The following MFSD1 variants were observed in gnomAD, a reference collection of about 807,000 sequenced individuals.
The protein encoded by MFSD1 is major facilitator superfamily domain containing 1, also known as lysosomal dipeptide transporter MFSD1.
A neutral mutation model predicts 67.1 loss-of-function variants in MFSD1; 59 were observed. That is an observed-to-expected ratio of 0.88 (90% CI 0.71 to 1.09). The LOEUF is 1.09. Ranked by LOEUF, MFSD1 falls within the 50% of genes least tolerant of loss-of-function variation. MFSD1 has a pLI of 0.00. For missense variants in MFSD1, 552 were observed against 566.1 expected (o/e 0.97, Z 0.25); for synonymous variants, 213 against 200.3 (o/e 1.06, Z -0.54).
chr3:158,814,208 A>T (rs1330320584), intron 7 of MFSD1, 141 bp downstream of exon 7: 1 of 566,124 alleles, frequency 1.8e-6, no homozygotes, highest in Non-Finnish European at 3.1e-6. Flanking sequence ...ACTCTTTGAC[A>T]CAACTAGAAA....
intron 6 of MFSD1, among the ~76,000 whole-genome samples, chr3:158,810,635 G>A (rs1729956035): frequency 6.6e-6 from 1 of 152,066 alleles, no homozygotes; most frequent in African/African-American, 2.4e-5. Context: ...ATTAAGTCAG[G>A]GTATTTGTTA....
intron 7 of MFSD1, among the ~76,000 whole-genome samples, chr3:158,817,452 A>G (rs1191383796): frequency 6.6e-6 from 1 of 152,242 alleles, no homozygotes; most frequent in Non-Finnish European, 1.5e-5. Flanking sequence ...TTATACACCA[A>G]TAACAGACAA....
chr3:158,816,007 T>C (rs1479147406), intron 7 of MFSD1, among the ~76,000 whole-genome samples: 1 of 152,182 alleles, frequency 6.6e-6, no homozygotes, highest in African/African-American at 2.4e-5. Flanking sequence ...GGCTGCATCG[T>C]ATTCCATGGT....
intron 7 of MFSD1, among the ~76,000 whole-genome samples, chr3:158,816,200 C>G (rs1161123848): frequency 6.6e-5 from 10 of 152,122 alleles, no homozygotes; most frequent in Non-Finnish European, 1.2e-4. Context: ...AATGGTATTT[C>G]TAGTTCTAGA....
At chr3:158,815,741 G>A (rs1730295259) in intron 7 of MFSD1, among the ~76,000 whole-genome samples, 1 of 151,058 alleles carries the variant, frequency 6.6e-6, no homozygotes, top group African/African-American at 2.4e-5. Flanking sequence ...CCATGCTGGT[G>A]TGCTGCACCC....
intron 6 of MFSD1, among the ~76,000 whole-genome samples, chr3:158,812,485 G>A (rs1019515514): frequency 1.3e-5 from 2 of 152,044 alleles, no homozygotes; most frequent in African/African-American, 2.4e-5. Context: ...TCCCTAAACT[G>A]CCTCTAAGAA....
chr3:158,824,310 G>T, intron 13 of MFSD1, 74 bp downstream of exon 13: 2 of 1,078,352 alleles, frequency 1.9e-6, no homozygotes, highest in Non-Finnish European at 2.8e-6. Context: ...CTTAGGCATA[G>T]CTCCCAGATT....
In MFSD1 at chr3:158,829,480, T is replaced by C. The variant is rs1731200285; in HGVS notation, c.*498T>C. On this transcript the variant is annotated 3_prime_UTR_variant, in exon 16 of 16. Transcript: ENST00000415822. Reference sequence around the variant, plus strand: ...AATATGTGAAGATGTTTTTATGAAGTCTCTTTCTGATCACGAACAATAGCT... The same window carrying C: ...AATATGTGAAGATGTTTTTATGAAGCCTCTTTCTGATCACGAACAATAGCT... 6.6e-6 allele frequency: 1 copy of C among 152,326 alleles called. No homozygotes were observed. Among genetic ancestry groups the C allele is most frequent in the African/African-American group, 2.4e-5 (1 of 41,472 alleles). 9.4% of individuals were successfully genotyped at this position (152,326 alleles called of 1,614,324 possible).
chr3:158,816,890 C>T (rs1432173434), intron 7 of MFSD1, among the ~76,000 whole-genome samples: 3 of 149,896 alleles, frequency 2.0e-5, no homozygotes, highest in Admixed American at 1.3e-4. Context: ...TTTCCCAGCA[C>T]CATTTATTAA....
intron 13 of MFSD1, among the ~76,000 whole-genome samples, chr3:158,824,870 C>T (rs1730881189): frequency 6.6e-6 from 1 of 152,096 alleles, no homozygotes; most frequent in Non-Finnish European, 1.5e-5. Context: ...AAAGACCATC[C>T]ATACCTGAAG....
At chr3:158,811,507 A>AAAGAGATG (rs1388432999) in intron 6 of MFSD1, among the ~76,000 whole-genome samples, 3 of 152,206 alleles carry the variant, frequency 2.0e-5, no homozygotes, top group Non-Finnish European at 4.4e-5. Flanking sequence ...TGTTGAAAGA[A>AAAGAGATG]AAGAGATGAT....
intron 1 of MFSD1, among the ~76,000 whole-genome samples, chr3:158,803,292 A>G (rs1170503751): frequency 1.3e-5 from 2 of 152,164 alleles, no homozygotes; most frequent in Admixed American, 6.5e-5. Context: ...TAACTATTCT[A>G]GCGCTGAACA....
chr3:158,804,228 A>G (rs1227685874), intron 1 of MFSD1, 91 bp from the exon 2 acceptor site: 1 of 825,772 alleles, frequency 1.2e-6, no homozygotes, highest in Non-Finnish European at 1.9e-6. Context: ...CCGTAGTATC[A>G]GCATTTAAAA....
Position 158,826,036 on chromosome 3 carries a change from T to C in MFSD1, c.1310T>C (p.Leu437Ser), listed in dbSNP as rs534236276. The C allele has an allele frequency of 1.2e-6, 2 of 1,613,638 alleles. No individual in the cohort carries two copies. The highest frequency in any genetic ancestry group is 2.2e-5 in the East Asian group (1 of 44,870). ...CTAGTGTCACTTTTATCTGTGGTCT[T>C]ACTCTATTTGGTGAATCGTGCCCAG... Reference protein sequence around the residue: ...CVSLSLLSVVLLYLVNRAQGG... With the variant: ...CVSLSLLSVVSLYLVNRAQGG... The change falls in exon 14 of 16, where the codon TTA becomes TCA. Residue 437 changes from leucine (L) to serine (S), a missense_variant. By Grantham distance (145) the Leu-to-Ser change is moderately radical (BLOSUM62 -2). Transcript: ENST00000415822.
At chr3:158,803,153 A>T (rs1370657802) in intron 1 of MFSD1, among the ~76,000 whole-genome samples, 1 of 152,176 alleles carries the variant, frequency 6.6e-6, no homozygotes, top group Non-Finnish European at 1.5e-5. Context: ...ATTAGAAAAA[A>T]ATTTTCCTTC....
intron 13 of MFSD1, among the ~76,000 whole-genome samples, chr3:158,824,946 G>A (rs556385197): frequency 1.3e-5 from 2 of 152,194 alleles, no homozygotes; most frequent in African/African-American, 2.4e-5. Flanking sequence ...ATAAATAAAC[G>A]TGCTTGTTTT....
rs2108234900 is a variant in MFSD1 at position 158,824,400 on chromosome 3, G to GA, written c.1288+165dup. 4.9e-6 allele frequency: 3 copies of GA among 609,558 alleles called. No individual in the cohort carries two copies. The East Asian group carries it at 8.2e-5, about 17-fold the overall frequency. The allele number at this position is 609,558 out of a possible 1,614,324, so 37.8% of individuals were successfully genotyped here. On this transcript the variant is annotated intron_variant, in intron 13 of 15. Transcript: ENST00000415822. ...CTGAAGATTCACAGGCATTTTTTAG[G>GA]AGATTCCTATCCTTAAAGGCAGTGA...
At chr3:158,827,191 T>C in intron 14 of MFSD1, 89 bp from the exon 15 acceptor site, 1 of 745,544 alleles carries the variant, frequency 1.3e-6, no homozygotes, top group Non-Finnish European at 2.2e-6. Flanking sequence ...AGTGTATCTA[T>C]GCAAATGGTT....
Position 158,820,147 on chromosome 3 carries a change from T to C in MFSD1, c.752-68T>C, listed in dbSNP as rs1730598158. Reference sequence around the variant, plus strand: ...ATCACAAGATTTTAAAAAATAATCTTGACTATAGATGAAAGCTCCTTAGGT... The same window carrying C: ...ATCACAAGATTTTAAAAAATAATCTCGACTATAGATGAAAGCTCCTTAGGT... On this transcript the variant is annotated intron_variant, in intron 8 of 15. Transcript: ENST00000415822. 3.8e-6 allele frequency: 3 copies of C among 784,806 alleles called. No individual in the cohort carries two copies. The Admixed American group carries it at 6.8e-5, about 18-fold the overall frequency. 48.6% of individuals were successfully genotyped at this position (784,806 alleles called of 1,614,324 possible).
Sources: gnomAD v4.1 joint callset for allele counts (sites outside exome capture counted in the v4.1 genomes callset) on GRCh38, gnomAD v4.1.1 for gene constraint, MANE v1.5 for transcripts, NCBI Gene and HGNC (gene_info 2026-07-23, HGNC 2026-07-21) for gene names.